ANXA7: variants seen among roughly 807,000 people sequenced by gnomAD.
ANXA7 encodes annexin VII.
In ANXA7, 55 loss-of-function variants were observed where a neutral mutation model predicts 64.9. The ratio of observed to expected loss-of-function variants is 0.85; its 90% CI spans 0.68 to 1.06. The LOEUF (loss-of-function observed/expected upper bound fraction) is 1.06, where lower values mean the gene tolerates loss of function less well. Ranked by LOEUF, ANXA7 falls within the 50% of genes least tolerant of loss-of-function variation. The pLI is 0.00. For missense variants in ANXA7, 548 were observed against 582.1 expected, an observed-to-expected ratio of 0.94 and a Z score of 0.60; for synonymous variants, 200 against 192.4, an observed-to-expected ratio of 1.04 and a Z score of -0.33.
intron 4 of ANXA7, 46 bp from the exon 5 acceptor site, chr10:73,396,629 A>C: frequency 7.7e-7 from 1 of 1,301,724 alleles, no homozygotes; most frequent in Non-Finnish European, 1.1e-6. Flanking sequence ...CAGGTCTTAC[A>C]TGTTTTAATT....
intron 5 of ANXA7, among the ~76,000 whole-genome samples, chr10:73,392,695 CG>C (rs1475434616): frequency 3.9e-5 from 6 of 152,076 alleles, no homozygotes; most frequent in Admixed American, 3.9e-4. Context: ...ATTGATGGGA[CG>C]TATCTCAAAA....
chr10:73,377,283 T>G (rs1383325022), intron 12 of ANXA7, among the ~76,000 whole-genome samples: 1 of 151,682 alleles, frequency 6.6e-6, no homozygotes, highest in African/African-American at 2.4e-5. Flanking sequence ...TAATTTAGGG[T>G]TTTTGGCCGG....
chr10:73,389,167 C>T (rs56967412), intron 5 of ANXA7, among the ~76,000 whole-genome samples: 15,928 of 152,176 alleles, frequency 0.1, 1,204 homozygotes, highest in East Asian at 0.3. Flanking sequence ...TTCTGTGGTA[C>T]TCTTGCCAAA....
chr10:73,392,413 G>A (rs1253071752), intron 5 of ANXA7, among the ~76,000 whole-genome samples: 1 of 152,116 alleles, frequency 6.6e-6, no homozygotes, highest in East Asian at 1.9e-4. Context: ...GAGAATTTTA[G>A]ACCAATATCC....
In ANXA7 at chr10:73,400,829, C is replaced by G; in HGVS notation, c.28G>C (p.Gly10Arg). 1 of 1,604,244 alleles carries G rather than the reference C, an allele frequency of 6.2e-7. No homozygotes were observed. Among genetic ancestry groups the G allele is most frequent in the Non-Finnish European group, 8.5e-7 (1 of 1,174,728 alleles). Residue 10 changes from glycine (G) to arginine (R), a missense_variant, in exon 2 of 13, where the codon GGC (glycine) becomes CGC (arginine). By Grantham distance (125) the Gly-to-Arg change is moderately radical (BLOSUM62 -2). Transcript: ENST00000372921. Reference sequence around the variant, plus strand: ...GGATATCCAGGGAAAGGTGGGTAGCCTGTTGGGGGATAGCCTGGGTATGAC... The same window carrying G: ...GGATATCCAGGGAAAGGTGGGTAGCGTGTTGGGGGATAGCCTGGGTATGAC... MSYPGYPPT[G>R]YPPFPGYPPA...
intron 1 of ANXA7, among the ~76,000 whole-genome samples, chr10:73,410,081 T>C (rs993452432): frequency 6.6e-6 from 1 of 152,074 alleles, no homozygotes; most frequent in Non-Finnish European, 1.5e-5. Flanking sequence ...AACAGTCTTC[T>C]AAACACTGGC....
intron 5 of ANXA7, among the ~76,000 whole-genome samples, chr10:73,392,822 A>C (rs544007142): frequency 4.4e-4 from 67 of 152,316 alleles, no homozygotes; most frequent in African/African-American, 1.3e-3. Context: ...CACCACTCCT[A>C]TTCAACATAG....
At chr10:73,408,684 T>C (rs950315306) in intron 1 of ANXA7, among the ~76,000 whole-genome samples, 4 of 151,522 alleles carry the variant, frequency 2.6e-5, no homozygotes, top group African/African-American at 9.8e-5. Flanking sequence ...AAAATAATTA[T>C]ATAAAAGACT....
chr10:73,380,298 T>C (rs1162158572), intron 9 of ANXA7, 97 bp from the exon 10 acceptor site: 2 of 1,263,820 alleles, frequency 1.6e-6, no homozygotes, highest in Non-Finnish European at 2.2e-6. Context: ...AAAGAGACTA[T>C]TTCTTTTTTT....
chr10:73,391,565 T>TCACG (rs1487548157), intron 5 of ANXA7, among the ~76,000 whole-genome samples: 3 of 152,070 alleles, frequency 2.0e-5, no homozygotes, highest in African/African-American at 4.8e-5. Context: ...TGAGCTTTGA[T>TCACG]CACGCCACTG....
intron 1 of ANXA7, among the ~76,000 whole-genome samples, chr10:73,404,441 A>AT (rs1158872835): frequency 2.3e-4 from 35 of 152,330 alleles, no homozygotes; most frequent in African/African-American, 8.4e-4. Context: ...TGGTACTATG[A>AT]TTTTCATCAA....
intron 1 of ANXA7, among the ~76,000 whole-genome samples, chr10:73,403,217 G>A (rs981325516): frequency 1.3e-5 from 2 of 152,216 alleles, no homozygotes; most frequent in Admixed American, 6.5e-5. Context: ...GCCAGGCACA[G>A]CGGCTCATGC....
chr10:73,412,795 C>CTTTTTTTTTTTTTTTTTTTTTT (rs55814659), intron 1 of ANXA7, among the ~76,000 whole-genome samples: 1 of 131,626 alleles, frequency 7.6e-6, no homozygotes, highest in African/African-American at 2.8e-5. Context: ...CGCGCTCGGG[C>CTTTTTTTTTTTTTTTTTTTTTT]TTTTTTTTTT....
At chr10:73,407,874 G>T (rs565163722) in intron 1 of ANXA7, among the ~76,000 whole-genome samples, 2 of 152,192 alleles carry the variant, frequency 1.3e-5, no homozygotes, top group Admixed American at 1.3e-4. Flanking sequence ...AACATAAAAT[G>T]ATATGAAAAC....
chr10:73,383,033 C>G (rs76521614), intron 9 of ANXA7, 142 bp downstream of exon 9: 52,345 of 669,744 alleles, frequency 0.078, 3,231 homozygotes, highest in East Asian at 0.28. Flanking sequence ...GAAATCTGTA[C>G]ACTGGTTTCT....
chr10:73,394,642 T>C (rs2055540631), intron 5 of ANXA7, among the ~76,000 whole-genome samples: 1 of 152,116 alleles, frequency 6.6e-6, no homozygotes, highest in African/African-American at 2.4e-5. Flanking sequence ...GTCTCACTCA[T>C]AGGTGGGAAC....
chr10:73,384,914 AG>A lies in ANXA7; in HGVS notation c.634-1225del, dbSNP rs1199467625. Among the ~76,000 whole-genome samples the A allele has an allele frequency of 2.0e-5, 3 of 152,300 alleles. No homozygotes were observed. The East Asian group carries it at 5.8e-4, about 29-fold the overall frequency. On this transcript the variant is annotated intron_variant, in intron 7 of 12. Transcript: ENST00000372921. Reference sequence around the variant, plus strand: ...TTTCAGGTAAGAAGGAACACCACCAAGGAACAGAGAAGGGGTTCCCAGCCTT... The same window carrying A: ...TTTCAGGTAAGAAGGAACACCACCAAGAACAGAGAAGGGGTTCCCAGCCTT...
chr10:73,388,454 G>A (rs761866470), intron 5 of ANXA7, 40 bp from the exon 6 acceptor site: 1 of 1,487,718 alleles, frequency 6.7e-7, no homozygotes, highest in Non-Finnish European at 9.4e-7. Context: ...AGCATTTCCA[G>A]TAAGTTTCTA....
At chr10:73,402,276 C>T (rs2055678175) in intron 1 of ANXA7, among the ~76,000 whole-genome samples, 1 of 152,132 alleles carries the variant, frequency 6.6e-6, no homozygotes, top group Non-Finnish European at 1.5e-5. Flanking sequence ...GCAGCCTTGA[C>T]CTCCTGGGCT....
Sources: allele counts gnomAD v4.1 joint callset (sites outside exome capture counted in the v4.1 genomes callset), GRCh38; gene constraint gnomAD v4.1.1; transcripts MANE v1.5; gene names NCBI Gene and HGNC (gene_info 2026-07-23, HGNC 2026-07-21).